Variants in DLG2 observed in about 807,000 individuals in gnomAD.
The protein encoded by DLG2 is disks large homolog 2.
Under a neutral mutation model 132.5 loss-of-function variants are expected in DLG2, and 45 were observed. The ratio of observed to expected loss-of-function variants is 0.34; its 90% CI spans 0.27 to 0.44. The LOEUF (loss-of-function observed/expected upper bound fraction) is 0.44, where lower values mean the gene tolerates loss of function less well. DLG2 is among the 20% of genes least tolerant of loss of function. The pLI is 1.00. For missense variants in DLG2, 1,045 were observed against 1,196.9 expected (o/e 0.87, Z 1.87); for synonymous variants, 424 against 419.6 (o/e 1.01, Z -0.13).
At chr11:84,654,630 T>A (rs1490435846) in intron 6 of DLG2, among the ~76,000 whole-genome samples, 1 of 152,200 alleles carries the variant, frequency 6.6e-6, no homozygotes, top group Non-Finnish European at 1.5e-5. Flanking sequence ...CTGTTCTGAA[T>A]TGTAATATTT....
intron 6 of DLG2, among the ~76,000 whole-genome samples, chr11:85,043,696 T>C (rs1270670459): frequency 2.0e-5 from 3 of 151,948 alleles, no homozygotes; most frequent in African/African-American, 7.2e-5. Context: ...GACAGAAAAA[T>C]TGTTTTTAAT....
intron 6 of DLG2, among the ~76,000 whole-genome samples, chr11:84,970,660 CAT>C (rs2053982907): frequency 6.6e-6 from 1 of 152,136 alleles, no homozygotes; most frequent in African/African-American, 2.4e-5. Flanking sequence ...AGGACTTCGA[CAT>C]ATGAATTTTG....
intron 7 of DLG2, among the ~76,000 whole-genome samples, chr11:84,383,724 A>G (rs1183674999): frequency 2.0e-5 from 3 of 152,142 alleles, no homozygotes; most frequent in Non-Finnish European, 4.4e-5. Context: ...TAACAATCCA[A>G]GTAAGCTGGA....
At chr11:84,024,806 T>A (rs2095494347) in intron 11 of DLG2, among the ~76,000 whole-genome samples, 1 of 151,488 alleles carries the variant, frequency 6.6e-6, no homozygotes, top group Non-Finnish European at 1.5e-5. Context: ...AGGGGGAATA[T>A]ATTTTTTCTT....
rs1318394333 is a variant in DLG2 at position 84,257,681 on chromosome 11, T to A, written c.520-6390A>T. On this transcript the variant is annotated intron_variant, in intron 7 of 27. Transcript: ENST00000376104. ...CAGATTTCACCAGTTATCTCTGGAT[T>A]TTTTTTTTTTTTTTTTTTTTTTTGA... Among the ~76,000 whole-genome samples the A allele has an allele frequency of 3.1e-3, 366 of 119,822 alleles. 1 individual carries two copies. The highest frequency in any genetic ancestry group is 0.016 in the African/African-American group (360 of 22,044). 78.6% of individuals were successfully genotyped at this position (119,822 alleles called of 152,430 possible). A position where few individuals can be genotyped will look rare whatever the true frequency, so the allele number is the denominator to read the frequency against.
intron 11 of DLG2, among the ~76,000 whole-genome samples, chr11:84,010,467 T>C (rs2094827214): frequency 6.6e-6 from 1 of 151,908 alleles, no homozygotes; most frequent in Non-Finnish European, 1.5e-5. Context: ...AATTTTTTTA[T>C]TTAGTTTTAT....
intron 3 of DLG2, among the ~76,000 whole-genome samples, chr11:85,439,769 G>C (rs1423241609): frequency 1.3e-5 from 2 of 152,150 alleles, no homozygotes; most frequent in African/African-American, 2.4e-5. Context: ...ACAGAGTATA[G>C]AGTAATGGCT....
chr11:83,827,425 G>GGGTATTT lies in DLG2; in HGVS notation c.1722+6188_1722+6189insAAATACC, dbSNP rs1406887137. Among the ~76,000 whole-genome samples the GGGTATTT allele has an allele frequency of 2.6e-5, 4 of 152,236 alleles. No homozygotes were observed. The South Asian group carries it at 8.3e-4, about 32-fold the overall frequency. On this transcript the variant is annotated intron_variant, in intron 17 of 27. Transcript: ENST00000376104. ...AATTTTTGAAATACCCATGTCAGCT[G>GGGTATTT]TGACTCATTTTTACTCTTTTTAAAT...
intron 6 of DLG2, among the ~76,000 whole-genome samples, chr11:85,087,844 C>CAAAAAAAAAAAAAAAAAAAAAAA (rs71465019): frequency 4.5e-5 from 1 of 22,054 alleles, no homozygotes; most frequent in Non-Finnish European, 1.1e-4. Flanking sequence ...GACTCCGTCT[C>CAAAAAAAAAAAAAAAAAAAAAAA]AAAAAAAAAA....
chr11:84,840,454 A>C (rs1031865015), intron 6 of DLG2, among the ~76,000 whole-genome samples: 5 of 152,060 alleles, frequency 3.3e-5, no homozygotes, highest in African/African-American at 1.2e-4. Flanking sequence ...GGATCTAGAA[A>C]TAGAAATACC....
At chr11:84,585,011 A>G (rs930310529) in intron 6 of DLG2, among the ~76,000 whole-genome samples, 1 of 152,052 alleles carries the variant, frequency 6.6e-6, no homozygotes, top group Non-Finnish European at 1.5e-5. Flanking sequence ...AATGTAGTTG[A>G]GTTCAACATC....
chr11:85,442,179 T>C (rs957206918), intron 3 of DLG2, among the ~76,000 whole-genome samples: 7 of 152,198 alleles, frequency 4.6e-5, no homozygotes. Flanking sequence ...ATCCTAAGTG[T>C]AGTAGAATGC....
chr11:84,053,265 A>G (rs1360547554), intron 11 of DLG2, among the ~76,000 whole-genome samples: 1 of 151,892 alleles, frequency 6.6e-6, no homozygotes, highest in Non-Finnish European at 1.5e-5. Flanking sequence ...GGCCTGTTGG[A>G]GGGGAAGCAG....
In DLG2 at chr11:83,579,918, C is replaced by T. The variant is rs533881181; in HGVS notation, c.1941-38060G>A. Among the ~76,000 whole-genome samples, 87 of 151,680 alleles carry T rather than the reference C, an allele frequency of 5.7e-4. No individual in the cohort carries two copies. In the Middle Eastern group the frequency reaches 0.01, roughly 18 times the overall value. On this transcript the variant is annotated intron_variant, in intron 19 of 27. Transcript: ENST00000376104. ...CTGGGAGGTGGAGGGTGCAGTGAGC[C>T]GAGATCTCGCCACTGCACTCCAGCC...
In DLG2 at chr11:84,362,906, T is replaced by C. The variant is rs180743870; in HGVS notation, c.520-111615A>G. Among the ~76,000 whole-genome samples, 1,005 of 152,292 alleles carry C rather than the reference T, an allele frequency of 6.6e-3. 8 individuals carry two copies. Among genetic ancestry groups the C allele is most frequent in the African/African-American group, 0.018 (746 of 41,558 alleles). On this transcript the variant is annotated intron_variant, in intron 7 of 27. Coordinates refer to ENST00000376104, the MANE Select transcript of DLG2 (RefSeq NM_001142699.3). The stretch of plus-strand genomic sequence containing the variant: ...TGCCATATTTTCTTAATCCAATCTA[T>C]CATTGTTGGACATTTGGGTTGGTTC...
intron 11 of DLG2, among the ~76,000 whole-genome samples, chr11:84,043,927 T>C (rs928838762): frequency 6.6e-6 from 1 of 151,756 alleles, no homozygotes; most frequent in Non-Finnish European, 1.5e-5. Context: ...TTATTTTAAG[T>C]TTTCCTACAG....
intron 6 of DLG2, among the ~76,000 whole-genome samples, chr11:84,754,184 C>T (rs1156542828): frequency 6.6e-6 from 1 of 152,142 alleles, no homozygotes; most frequent in Non-Finnish European, 1.5e-5. Flanking sequence ...TATTTACCAG[C>T]AAACAGTATT....
chr11:84,721,855 T>G (rs1460069770), intron 6 of DLG2, among the ~76,000 whole-genome samples: 1 of 152,226 alleles, frequency 6.6e-6, no homozygotes, highest in African/African-American at 2.4e-5. Flanking sequence ...TAAAGGGTTG[T>G]CAGGAAGACT....
chr11:83,605,007 C>CAGAGAGAGAGAGAGAGAGCGAG (rs2059122983), intron 19 of DLG2, among the ~76,000 whole-genome samples: 1 of 129,834 alleles, frequency 7.7e-6, no homozygotes, highest in Non-Finnish European at 1.7e-5. Context: ...TTTTCAAAGA[C>CAGAGAGAGAGAGAGAGAGCGAG]AGAGAGAGAG....
Sources: allele counts gnomAD v4.1 joint callset (sites outside exome capture counted in the v4.1 genomes callset), GRCh38; gene constraint gnomAD v4.1.1; transcripts MANE v1.5; gene names NCBI Gene and HGNC (gene_info 2026-07-23, HGNC 2026-07-21).